WDCP: variants seen among roughly 807,000 people sequenced by gnomAD.
WDCP encodes WD repeat and coiled-coil-containing protein.
Under a neutral mutation model 41.6 loss-of-function variants are expected in WDCP, and 19 were observed. The observed-to-expected ratio is 0.46, with a 90% CI of 0.32 to 0.67. The LOEUF (loss-of-function observed/expected upper bound fraction) is 0.67, where lower values mean the gene tolerates loss of function less well. Among genes scored for constraint, WDCP ranks in the 30% least tolerant of loss-of-function variants. WDCP has a pLI of 0.04. For missense variants in WDCP, 802 were observed against 850.7 expected (o/e 0.94, Z 0.71); for synonymous variants, 302 against 320.8 (o/e 0.94, Z 0.63).
chr2:24,029,991 G>A lies in WDCP; in HGVS notation c.*942C>T, dbSNP rs1663058993. ...GATTCGGTTGAATTTCTAACTTCCT[G>A]AAATACTTTCTCTCACAGATTCTCT... On this transcript the variant is annotated 3_prime_UTR_variant, in exon 4 of 4. Transcript: ENST00000295148. 6.6e-6 allele frequency: 1 copy of A among 152,494 alleles called. No homozygotes were observed. Among genetic ancestry groups the A allele is most frequent in the Admixed American group, 6.6e-5 (1 of 15,264 alleles). 9.4% of individuals were successfully genotyped at this position (152,494 alleles called of 1,614,324 possible).
intron 1 of WDCP, among the ~76,000 whole-genome samples, chr2:24,045,619 A>AGAG (rs1324886267): frequency 6.5e-4 from 57 of 87,788 alleles, no homozygotes; most frequent in African/African-American, 1.5e-3. Context: ...AAAAAAAAAA[A>AGAG]AGAGAGAGAG....
chr2:24,035,776 T>TA (rs1291340222), intron 2 of WDCP, among the ~76,000 whole-genome samples: 11 of 150,056 alleles, frequency 7.3e-5, no homozygotes, highest in African/African-American at 1.7e-4. Flanking sequence ...TTTTTTTAAT[T>TA]AAAAAAAAAT....
At position 24,030,783 on chromosome 2, in the gene WDCP, AGGGGAAACAG is replaced by A; in HGVS notation, c.*140_*149del. 1.6e-6 allele frequency: 1 copy of A among 633,702 alleles called. No homozygotes were observed. Among genetic ancestry groups the A allele is most frequent in the East Asian group, 2.7e-5 (1 of 36,560 alleles). The allele number at this position is 633,702 out of a possible 1,614,324, so 39.3% of individuals were successfully genotyped here. A position where few individuals can be genotyped will look rare whatever the true frequency, so the allele number is the denominator to read the frequency against. On this transcript the variant is annotated 3_prime_UTR_variant, in exon 4 of 4. Coordinates refer to ENST00000295148, the MANE Select transcript of WDCP (RefSeq NM_025203.3). The stretch of plus-strand genomic sequence containing the variant: ...GCTACACAGCAGCGAGCCTCAGCTC[AGGGGAAACAG>A]GGGGAAACCAGGAGAGCCGACCATG...
chr2:24,037,617 A>G, intron 2 of WDCP, 60 bp downstream of exon 2: 1 of 1,487,666 alleles, frequency 6.7e-7, no homozygotes, highest in Non-Finnish European at 9.0e-7. Context: ...CGTTTCTTGC[A>G]GTACTCACCG....
intron 2 of WDCP, among the ~76,000 whole-genome samples, chr2:24,036,938 T>C (rs1181136414): frequency 2.0e-5 from 3 of 152,270 alleles, no homozygotes; most frequent in Non-Finnish European, 4.4e-5. Flanking sequence ...AAAGTGTCCA[T>C]GATAAAAACA....
intron 2 of WDCP, among the ~76,000 whole-genome samples, chr2:24,035,961 T>C (rs1173137696): frequency 1.3e-5 from 2 of 150,926 alleles, no homozygotes; most frequent in Admixed American, 6.6e-5. Context: ...CCCAGCTACT[T>C]GGGAGGCTGA....
chr2:24,045,656 AGGGGGAGGG>A (rs1663598888), intron 1 of WDCP, among the ~76,000 whole-genome samples: 3 of 116,796 alleles, frequency 2.6e-5, no homozygotes, highest in Admixed American at 9.2e-5. Context: ...GAAGGAAGGA[AGGGGGAGGG>A]GGAGGGAAGG....
At chr2:24,033,662 A>C (rs534375405) in intron 2 of WDCP, among the ~76,000 whole-genome samples, 46 of 152,244 alleles carry the variant, frequency 3.0e-4, no homozygotes, top group African/African-American at 1.1e-3. Context: ...AATCACTTGA[A>C]CCCAGGAGGC....
intron 1 of WDCP, among the ~76,000 whole-genome samples, chr2:24,044,845 C>T (rs1333161523): frequency 7.1e-6 from 1 of 141,440 alleles, no homozygotes; most frequent in Admixed American, 7.2e-5. Context: ...AAAAAAAGCA[C>T]AGCGGTGATC....
At position 24,037,672 on chromosome 2, in the gene WDCP, T is replaced by C; in HGVS notation, c.1818+5A>G. The C allele has an allele frequency of 6.2e-7, 1 of 1,602,154 alleles. No homozygotes were observed. The highest frequency in any genetic ancestry group is 8.5e-7 in the Non-Finnish European group (1 of 1,175,540). ...ATAGTGGTAGTTCCTCAAAGGAGAA[T>C]TTACCTGGTAAATGATGTGAACATA... On this transcript the variant is annotated splice_donor_5th_base_variant and intron_variant, in intron 2 of 3. Transcript: ENST00000295148.
chr2:24,038,534 G>C lies in WDCP; in HGVS notation c.961C>G (p.Leu321Val), dbSNP rs1663326423. The C allele has an allele frequency of 4.3e-6, 7 of 1,614,102 alleles. No individual in the cohort carries two copies. The Admixed American group carries it at 1.0e-4, about 23-fold the overall frequency. Residue 321 changes from leucine (L) to valine (V), a missense_variant, in exon 2 of 4, where the codon CTT becomes GTT. Transcript: ENST00000295148. ...GTGQDSSHLV[L>V]VTFKKAVTMT... ...GTAACTGCCTTCTTAAAGGTCACAA[G>C]GACCAAATGTGAAGAATCTTGGCCA...
In WDCP at chr2:24,031,098, T is replaced by G; in HGVS notation, c.2001A>C (p.Thr667=). The change falls in exon 4 of 4, where the codon ACA becomes ACC. Residue 667 remains threonine (T), a synonymous_variant. Transcript: ENST00000295148. ...EGFIPLTFTA[T]QEIIIRDGSL... Reference sequence around the variant, plus strand: ...TGCCATCTCTTATGATTATTTCCTGTGTGGCTGTGAAGGTTAACGGGATAA... The same window carrying G: ...TGCCATCTCTTATGATTATTTCCTGGGTGGCTGTGAAGGTTAACGGGATAA... The G allele has an allele frequency of 6.2e-7, 1 of 1,614,206 alleles. No individual in the cohort carries two copies. Among genetic ancestry groups the G allele is most frequent in the Non-Finnish European group, 8.5e-7 (1 of 1,180,032 alleles).
In WDCP at chr2:24,038,667, A is replaced by C; in HGVS notation, c.828T>G (p.Ser276=). 1 of 1,614,266 alleles carries C rather than the reference A, an allele frequency of 6.2e-7. No homozygotes were observed. Among genetic ancestry groups the C allele is most frequent in the East Asian group, 2.2e-5 (1 of 44,896 alleles). ...GATCCAGAGGTTCTAAATAGGAAGAAGAAACTGATACTTCAGAATTTGTTT... is the reference window on the plus strand; with the variant it reads ...GATCCAGAGGTTCTAAATAGGAAGACGAAACTGATACTTCAGAATTTGTTT... ...DSETNSEVSV[S]SSYLEPLDLT... Residue 276 remains serine, a synonymous_variant, in exon 2 of 4, where the codon TCT becomes TCG. Coordinates refer to ENST00000295148, the MANE Select transcript of WDCP (RefSeq NM_025203.3).
At chr2:24,041,483 T>C (rs1267110630) in intron 1 of WDCP, among the ~76,000 whole-genome samples, 2 of 151,900 alleles carry the variant, frequency 1.3e-5, no homozygotes, top group Non-Finnish European at 2.9e-5. Context: ...GACACAAAGA[T>C]ATATAGGATT....
intron 1 of WDCP, among the ~76,000 whole-genome samples, chr2:24,042,902 A>G (rs1329995219): frequency 7.4e-6 from 1 of 135,648 alleles, no homozygotes; most frequent in African/African-American, 2.8e-5. Flanking sequence ...GCGTGGTGGC[A>G]CATGCCTGTA....
chr2:24,030,977 A>C lies in WDCP; in HGVS notation c.2122T>G (p.Leu708Val). Residue 708 changes from leucine (L) to valine (V), a missense_variant, in exon 4 of 4, where the codon TTA (leucine) becomes GTA (valine). Leu to Val is a conservative substitution (Grantham distance 32). This residue lies in a region of WDCP where 321 missense variants were observed against 305.1 expected (regional missense o/e 1.05). Coordinates refer to ENST00000295148, the MANE Select transcript of WDCP (RefSeq NM_025203.3). ...TGGTTACAACAGCCAGTGGTATCTA[A>C]ACTGGGGGCAGCAAGGCCTGTAAAG... ...KVFTGLAAPSLDTTGCCNHVD... is the reference protein window; with the variant it reads ...KVFTGLAAPSVDTTGCCNHVD... 6.2e-7 allele frequency: 1 copy of C among 1,614,232 alleles called. No homozygotes were observed. Among genetic ancestry groups the C allele is most frequent in the Non-Finnish European group, 8.5e-7 (1 of 1,180,038 alleles).
chr2:24,038,009 T>A lies in WDCP; in HGVS notation c.1486A>T (p.Ile496Phe). 1 of 1,614,214 alleles carries A rather than the reference T, an allele frequency of 6.2e-7. No homozygotes were observed. Among genetic ancestry groups the A allele is most frequent in the Non-Finnish European group, 8.5e-7 (1 of 1,180,022 alleles). The part of the protein sequence containing the change: ...SQNGRPGRTL[I>F]KEIQSPLSSI... The stretch of plus-strand genomic sequence containing the variant: ...GACAGAGGACTCTGGATTTCTTTAA[T>A]AAGTGTTCTTCCAGGCCTTCCATTC... Residue 496 changes from isoleucine to phenylalanine, a missense_variant, in exon 2 of 4, where the codon ATT becomes TTT. By Grantham distance (21) the Ile-to-Phe change is conservative. This residue lies in a region of WDCP where 321 missense variants were observed against 305.1 expected (regional missense o/e 1.05). Transcript: ENST00000295148.
At chr2:24,041,076 T>C (rs1396667669) in intron 1 of WDCP, among the ~76,000 whole-genome samples, 1 of 151,046 alleles carries the variant, frequency 6.6e-6, no homozygotes, top group Non-Finnish European at 1.5e-5. Context: ...CGGTGGCTCA[T>C]GCTTGTAATC....
rs1482785959 is a variant in WDCP at position 24,038,914 on chromosome 2, C to T, written c.581G>A (p.Cys194Tyr). The change falls in exon 2 of 4, where the codon TGC (cysteine) becomes TAC (tyrosine). Residue 194 changes from cysteine (C) to tyrosine (Y), a missense_variant. Coordinates refer to ENST00000295148, the MANE Select transcript of WDCP (RefSeq NM_025203.3). ...WDSAQKTLHR[C>Y]SSCLVFDVDS... ...CACATCAAACACCAGGCAGGAGGAG[C>T]ACCTGTGAAGAGTCTTCTGAGCGCT... The T allele has an allele frequency of 1.2e-6, 2 of 1,614,070 alleles. No individual in the cohort carries two copies. Among genetic ancestry groups the T allele is most frequent in the Non-Finnish European group, 1.7e-6 (2 of 1,180,036 alleles).
Sources: allele counts gnomAD v4.1 joint callset (sites outside exome capture counted in the v4.1 genomes callset), GRCh38; gene constraint gnomAD v4.1.1; regional missense constraint gnomAD v4.1.1; transcripts MANE v1.5; gene names NCBI Gene and HGNC (gene_info 2026-07-23, HGNC 2026-07-21).